USP7: variants seen among roughly 807,000 people sequenced by gnomAD.
USP7 encodes ubiquitin specific peptidase 7.
USP7 carries 9 observed loss-of-function variants against 162.9 expected under a neutral mutation model. The ratio of observed to expected loss-of-function variants is 0.06; its 90% CI spans 0.03 to 0.10. The LOEUF (loss-of-function observed/expected upper bound fraction) is 0.10, where lower values mean the gene tolerates loss of function less well. USP7 is among the 10% of genes least tolerant of loss of function. USP7 has a pLI of 1.00. For synonymous variants in USP7, 562 were observed against 475.9 expected (o/e 1.18, Z -2.35); for missense variants, 715 against 1,373.7 (o/e 0.52, Z 7.58).
intron 1 of USP7, among the ~76,000 whole-genome samples, chr16:8,933,613 C>A (rs114733683): frequency 6.6e-6 from 1 of 152,070 alleles, no homozygotes; most frequent in Non-Finnish European, 1.5e-5. Flanking sequence ...TATGTGTATG[C>A]GCTATCATTT....
chr16:8,913,788 T>C (rs747673292), intron 10 of USP7, among the ~76,000 whole-genome samples: 1 of 152,080 alleles, frequency 6.6e-6, no homozygotes, highest in African/African-American at 2.4e-5. Flanking sequence ...ACTTGCTCTG[T>C]TGCCCAGGCT....
rs574226138 is a variant in USP7, at chr16:8,898,970, A to G, written c.2531+151T>C. 6.8e-5 allele frequency: 56 copies of G among 825,464 alleles called. 1 individual carries two copies. In the Admixed American group the frequency reaches 7.2e-4, roughly 11 times the overall value. The allele number at this position is 825,464 out of a possible 1,614,324, so 51.1% of individuals were successfully genotyped here. A position where few individuals can be genotyped will look rare whatever the true frequency, so the allele number is the denominator to read the frequency against. On this transcript the variant is annotated intron_variant, in intron 23 of 30. Transcript: ENST00000344836. Reference sequence around the variant, plus strand: ...TTAACATCTCAGAGTAATGTGGTCAAGATGTGAGTGGTGACAATTCTGAAA... The same window carrying G: ...TTAACATCTCAGAGTAATGTGGTCAGGATGTGAGTGGTGACAATTCTGAAA...
chr16:8,910,068 T>A (rs1163859057), intron 11 of USP7, among the ~76,000 whole-genome samples: 1 of 152,208 alleles, frequency 6.6e-6, no homozygotes, highest in Non-Finnish European at 1.5e-5. Context: ...GCAGGCTTTG[T>A]AAGCACAGGC....
intron 3 of USP7, among the ~76,000 whole-genome samples, chr16:8,922,502 G>T (rs1897752584): frequency 6.6e-6 from 1 of 152,118 alleles, no homozygotes; most frequent in Non-Finnish European, 1.5e-5. Context: ...TTCCCTGGGG[G>T]ATCTGACAGA....
Position 8,919,122 on chromosome 16 carries a change from T to C in USP7, c.629A>G (p.His210Arg). 1 of 1,614,120 alleles carries C rather than the reference T, an allele frequency of 6.2e-7. No homozygotes were observed. The highest frequency in any genetic ancestry group is 8.5e-7 in the Non-Finnish European group (1 of 1,179,998). ...ATTCTTTAAGCCGACGTAGCCTGTG[T>C]GCTTCTTTGAATCCCACCTGAAAGA... ...PHGVAWDSKK[H>R]TGYVGLKNQG... Residue 210 changes from histidine (H) to arginine (R), a missense_variant, in exon 6 of 31, where the codon CAC (histidine) becomes CGC (arginine). Physicochemically the swap from His to Arg is conservative, Grantham distance 29 (BLOSUM62 0). Transcript: ENST00000344836.
chr16:8,941,014 C>G (rs1899021807), intron 1 of USP7, among the ~76,000 whole-genome samples: 1 of 152,220 alleles, frequency 6.6e-6, no homozygotes, highest in South Asian at 2.1e-4. Context: ...TCTCGTCCAG[C>G]ACTCAGGGAC....
At position 8,916,565 on chromosome 16, in the gene USP7, G is replaced by C; in HGVS notation, c.852-9C>G. ...TATCTAAAGTTTCCCACCTTTCAAA[G>C]ATAAAACAAACAACTCCATTTAAAG... is the stretch of plus-strand genomic sequence containing the variant. On this transcript the variant is annotated splice_polypyrimidine_tract_variant and intron_variant, in intron 7 of 30. Coordinates refer to ENST00000344836, the MANE Select transcript of USP7 (RefSeq NM_003470.3). 1 of 1,556,668 alleles carries C rather than the reference G, an allele frequency of 6.4e-7. No individual in the cohort carries two copies. Among genetic ancestry groups the C allele is most frequent in the Non-Finnish European group, 8.6e-7 (1 of 1,160,212 alleles).
chr16:8,958,610 T>C (rs1330276145), intron 1 of USP7, among the ~76,000 whole-genome samples: 4 of 152,050 alleles, frequency 2.6e-5, no homozygotes, highest in African/African-American at 4.8e-5. Flanking sequence ...GGATGTGGGA[T>C]AGAGACAGCA....
At position 8,899,135 on chromosome 16, in the gene USP7, A is replaced by G; in HGVS notation, c.2517T>C (p.Phe839=). The G allele has an allele frequency of 1.2e-6, 2 of 1,614,208 alleles. No individual in the cohort carries two copies. The highest frequency in any genetic ancestry group is 1.1e-5 in the South Asian group (1 of 91,088). Residue 839 remains phenylalanine (F), a synonymous_variant, in exon 23 of 31, where the codon TTT becomes TTC. Transcript: ENST00000344836. Reference sequence around the variant, plus strand: ...ATGTGACCTACCCTTGAGACTTGAAAAACTGCAGCAACATTGGATCTGTGT... The same window carrying G: ...ATGTGACCTACCCTTGAGACTTGAAGAACTGCAGCAACATTGGATCTGTGT... ...RLNTDPMLLQ[F]FKSQGYRDGP...
At chr16:8,897,132 A>C in intron 25 of USP7, 33 bp from the exon 26 acceptor site, 1 of 1,514,342 alleles carries the variant, frequency 6.6e-7, no homozygotes, top group East Asian at 2.3e-5. Context: ...AAGTGCTTTC[A>C]AGAAAGCATA....
intron 14 of USP7, 146 bp downstream of exon 14, chr16:8,905,041 G>A (rs1327113532): frequency 4.2e-6 from 4 of 943,862 alleles, no homozygotes; most frequent in Non-Finnish European, 4.8e-6. Flanking sequence ...AAACGCGCAA[G>A]CCCAACCCTG....
intron 16 of USP7, among the ~76,000 whole-genome samples, chr16:8,902,893 AG>A (rs1269124227): frequency 6.6e-6 from 1 of 152,170 alleles, no homozygotes; most frequent in South Asian, 2.1e-4. Context: ...AAAGAAAAAA[AG>A]ACTGTGATTC....
At chr16:8,933,936 T>C (rs1161088190) in intron 1 of USP7, among the ~76,000 whole-genome samples, 1 of 152,096 alleles carries the variant, frequency 6.6e-6, no homozygotes, top group African/African-American at 2.4e-5. Flanking sequence ...TTTTTATTTT[T>C]AGTAGAGACA....
chr16:8,908,093 G>C (rs1459514585), intron 12 of USP7, among the ~76,000 whole-genome samples: 1 of 152,230 alleles, frequency 6.6e-6, no homozygotes, highest in East Asian at 1.9e-4. Context: ...ATCAGCCATA[G>C]CTGAGAGCAG....
chr16:8,927,597 A>C (rs2141224510), intron 2 of USP7, among the ~76,000 whole-genome samples: 1 of 152,288 alleles, frequency 6.6e-6, no homozygotes, highest in Middle Eastern at 3.4e-3. Flanking sequence ...GTACTTTGGG[A>C]AGCCAAGGCA....
At position 8,906,408 on chromosome 16, in the gene USP7, C is replaced by T. The variant is rs1327279401; in HGVS notation, c.1428+18G>A. On this transcript the variant is annotated intron_variant, in intron 13 of 30. Coordinates refer to ENST00000344836, the MANE Select transcript of USP7 (RefSeq NM_003470.3). ...CTTTCTGATGAGCTTGCATTCAGCC[C>T]TGGGTCCCACCACTTACTTTGCCAT... 2 of 1,609,602 alleles carry T rather than the reference C, an allele frequency of 1.2e-6. No homozygotes were observed. Among genetic ancestry groups the T allele is most frequent in the East Asian group, 2.2e-5 (1 of 44,872 alleles).
At chr16:8,912,153 C>T (rs2061956832) in intron 10 of USP7, among the ~76,000 whole-genome samples, 2 of 152,160 alleles carry the variant, frequency 1.3e-5, no homozygotes, top group South Asian at 4.1e-4. Context: ...AAAAAGTTAC[C>T]AAGCATGTGA....
chr16:8,921,799 T>C (rs1002443172), intron 3 of USP7, among the ~76,000 whole-genome samples: 11 of 152,196 alleles, frequency 7.2e-5, no homozygotes, highest in Non-Finnish European at 2.9e-5. Context: ...AGAACTACTG[T>C]ACCTGCAGTG....
chr16:8,893,931 C>A lies in USP7; in HGVS notation c.*67G>T. ...AGACTTCGGCTAGAGGGCACGTGCA[C>A]CAAAGTTCTAGGCTGTTAAGGGGCC... is the stretch of plus-strand genomic sequence containing the variant. On this transcript the variant is annotated 3_prime_UTR_variant, in exon 31 of 31. Coordinates refer to ENST00000344836, the MANE Select transcript of USP7 (RefSeq NM_003470.3). 2.8e-6 allele frequency: 4 copies of A among 1,449,792 alleles called. No individual in the cohort carries two copies. Among genetic ancestry groups the A allele is most frequent in the Middle Eastern group, 1.7e-4 (1 of 5,754 alleles). 89.8% of individuals were successfully genotyped at this position (1,449,792 alleles called of 1,614,324 possible). A position where few individuals can be genotyped will look rare whatever the true frequency, so the allele number is the denominator to read the frequency against.
Sources: gnomAD v4.1 joint callset for allele counts (sites outside exome capture counted in the v4.1 genomes callset) on GRCh38, gnomAD v4.1.1 for gene constraint, MANE v1.5 for transcripts, NCBI Gene and HGNC (gene_info 2026-07-23, HGNC 2026-07-21) for gene names.